CEMIP2: variants seen among roughly 807,000 people sequenced by gnomAD.
CEMIP2 encodes cell migration inducing hyaluronidase 2.
Under a neutral mutation model 146.9 loss-of-function variants are expected in CEMIP2, and 79 were observed. That is an observed-to-expected ratio of 0.54 (90% CI 0.45 to 0.65). CEMIP2 has a LOEUF of 0.65. Ranked by LOEUF, CEMIP2 falls within the 30% of genes least tolerant of loss-of-function variation. The pLI is 0.00. For missense variants in CEMIP2, 1,596 were observed against 1,696.2 expected (o/e 0.94, Z 1.04); for synonymous variants, 601 against 606.3 (o/e 0.99, Z 0.13).
rs1822000954 is a variant in CEMIP2, at chr9:71,684,673, C to A, written c.*524G>T. 6.5e-6 allele frequency: 1 copy of A among 152,998 alleles called. No homozygotes were observed. The highest frequency in any genetic ancestry group is 2.4e-5 in the African/African-American group (1 of 41,568). 9.5% of individuals were successfully genotyped at this position (152,998 alleles called of 1,614,324 possible). On this transcript the variant is annotated 3_prime_UTR_variant, in exon 24 of 24. Coordinates refer to ENST00000377044, the MANE Select transcript of CEMIP2 (RefSeq NM_013390.3). ...CAGGCAAAAAAGGGCATGAGCTGGG[C>A]CTGAGTTGCCACTTAAAACTGTCAT...
intron 12 of CEMIP2, among the ~76,000 whole-genome samples, chr9:71,719,474 G>A (rs1209707468): frequency 2.6e-5 from 4 of 152,182 alleles, no homozygotes; most frequent in Admixed American, 2.6e-4. Context: ...TGGAATCAAG[G>A]AAGGGATGTG....
chr9:71,709,507 G>C (rs761722886), intron 16 of CEMIP2, 33 bp from the exon 17 acceptor site: 29 of 1,583,154 alleles, frequency 1.8e-5, no homozygotes, highest in Non-Finnish European at 2.3e-5. Flanking sequence ...ACATCACAAA[G>C]TGAGGGCTCC....
At chr9:71,732,681 G>A (rs1256586367) in intron 6 of CEMIP2, among the ~76,000 whole-genome samples, 161 bp from the exon 7 acceptor site, 6 of 137,462 alleles carry the variant, frequency 4.4e-5, no homozygotes, top group East Asian at 2.2e-4. Context: ...CCCAGGACAC[G>A]GGGAATTTTT....
intron 5 of CEMIP2, among the ~76,000 whole-genome samples, chr9:71,739,065 A>C (rs1173615209): frequency 9.8e-5 from 15 of 152,334 alleles, no homozygotes; most frequent in African/African-American, 3.6e-4. Context: ...TTCCTGAAGA[A>C]AATTTTCTAC....
rs754061903 is a variant in CEMIP2 at position 71,732,376 on chromosome 9, T to C, written c.1538A>G (p.Tyr513Cys). 23 of 1,612,626 alleles carry C rather than the reference T, an allele frequency of 1.4e-5. No individual in the cohort carries two copies. In the Middle Eastern group the frequency reaches 4.9e-4, roughly 35 times the overall value. The change falls in exon 7 of 24, where the codon TAT becomes TGT. Residue 513 changes from tyrosine (Y) to cysteine (C), a missense_variant. Coordinates refer to ENST00000377044, the MANE Select transcript of CEMIP2 (RefSeq NM_013390.3). ...CATAATGTGTCCCCCAAAGGTATCA[T>C]AATCAAAAAATTGGCACTGATTTTC... ...YAENQCQFFDYDTFGGHIMIM... is the reference protein window; with the variant it reads ...YAENQCQFFDCDTFGGHIMIM...
intron 11 of CEMIP2, among the ~76,000 whole-genome samples, chr9:71,724,851 C>T (rs902248352): frequency 2.1e-4 from 32 of 152,208 alleles, no homozygotes; most frequent in African/African-American, 7.2e-4. Context: ...TGCTTATCAA[C>T]CCCTAGAAGG....
chr9:71,712,594 A>T (rs773485190), intron 15 of CEMIP2, among the ~76,000 whole-genome samples: 1 of 152,244 alleles, frequency 6.6e-6, no homozygotes, highest in Non-Finnish European at 1.5e-5. Flanking sequence ...AACTCAGTTA[A>T]GATCTTTTAT....
chr9:71,745,626 G>A, intron 3 of CEMIP2, 47 bp from the exon 4 acceptor site: 2 of 1,494,638 alleles, frequency 1.3e-6, no homozygotes, highest in Non-Finnish European at 1.8e-6. Context: ...TCATCTTTCT[G>A]AGATACAAGG....
chr9:71,716,769 A>C (rs1292160090), intron 13 of CEMIP2, among the ~76,000 whole-genome samples: 1 of 152,180 alleles, frequency 6.6e-6, no homozygotes. Context: ...TAGCTGTGTG[A>C]CTTTTGGCAA....
At chr9:71,740,443 C>A (rs755248030) in intron 4 of CEMIP2, among the ~76,000 whole-genome samples, 1 of 152,172 alleles carries the variant, frequency 6.6e-6, no homozygotes, top group Non-Finnish European at 1.5e-5. Context: ...ACTTGTTTGT[C>A]CAGCTCTGTA....
intron 22 of CEMIP2, chr9:71,687,463 T>TCC (rs931246582): frequency 3.5e-4 from 6 of 17,130 alleles, no homozygotes; most frequent in African/African-American, 1.6e-3. Context: ...ATTTATTTTC[T>TCC]GTGTGTGTGT....
intron 11 of CEMIP2, among the ~76,000 whole-genome samples, chr9:71,722,908 T>C (rs1823278614): frequency 6.6e-6 from 1 of 152,036 alleles, no homozygotes; most frequent in Admixed American, 6.6e-5. Context: ...GAAGGGCATC[T>C]GGAGAGGCCT....
chr9:71,732,413 A>T lies in CEMIP2; in HGVS notation c.1501T>A (p.Ser501Thr). 7 of 1,613,922 alleles carry T rather than the reference A, an allele frequency of 4.3e-6. No homozygotes were observed. The highest frequency in any genetic ancestry group is 5.9e-6 in the Non-Finnish European group (7 of 1,179,958). ...NIVIQGEVED[S>T]CYAENQCQFF... ...TGGCACTGATTTTCTGCGTAGCATG[A>T]GTCCTCCACTTCTCCTTGGATCACA... The change falls in exon 7 of 24, where the codon TCA (serine) becomes ACA (threonine). Residue 501 changes from serine (S) to threonine (T), a missense_variant. Transcript: ENST00000377044.
chr9:71,702,669 T>C (rs936361088), intron 18 of CEMIP2, among the ~76,000 whole-genome samples: 1 of 152,206 alleles, frequency 6.6e-6, no homozygotes, highest in African/African-American at 2.4e-5. Context: ...TATGACAAAA[T>C]CTATGACTTC....
Position 71,685,395 on chromosome 9 carries a change from TAAAAAAAAAAAAA to T in CEMIP2, c.3956-15_3956-3del. The T allele has an allele frequency of 8.5e-7, 1 of 1,177,088 alleles. No individual in the cohort carries two copies. The highest frequency in any genetic ancestry group is 1.1e-6 in the Non-Finnish European group (1 of 944,260). The allele number at this position is 1,177,088 out of a possible 1,614,324, so 72.9% of individuals were successfully genotyped here. A position where few individuals can be genotyped will look rare whatever the true frequency, so the allele number is the denominator to read the frequency against. ...TGAATCCCAAAAATATGGTACTCCCTAAAAAAAAAAAAAAAAAAGAAAAAGAAAAAAAATCAAT... is the reference window on the plus strand; with the variant it reads ...TGAATCCCAAAAATATGGTACTCCCTAAAAAGAAAAAGAAAAAAAATCAAT... On this transcript the variant is annotated splice_region_variant and splice_polypyrimidine_tract_variant and intron_variant, in intron 23 of 23. Transcript: ENST00000377044.
At chr9:71,718,173 T>C in intron 12 of CEMIP2, 94 bp from the exon 13 acceptor site, 1 of 1,186,580 alleles carries the variant, frequency 8.4e-7, no homozygotes, top group Non-Finnish European at 1.1e-6. Context: ...AGAATTTAAA[T>C]TTGACCAAAA....
chr9:71,697,846 G>A, intron 20 of CEMIP2, 139 bp downstream of exon 20: 1 of 840,770 alleles, frequency 1.2e-6, no homozygotes, highest in South Asian at 1.8e-5. Context: ...TCACATTTTA[G>A]CATGGGCCAA....
chr9:71,704,513 G>A (rs1029246812), intron 18 of CEMIP2, 82 bp downstream of exon 18: 3 of 1,507,388 alleles, frequency 2.0e-6, no homozygotes, highest in African/African-American at 2.8e-5. Flanking sequence ...TTTGCTTGCT[G>A]CAAAGGAGAC....
intron 15 of CEMIP2, 82 bp from the exon 16 acceptor site, chr9:71,712,342 T>C: frequency 7.1e-7 from 1 of 1,410,196 alleles, no homozygotes. Flanking sequence ...TGAAGACAGC[T>C]AAATATCCGG....
Sources: allele counts gnomAD v4.1 joint callset (sites outside exome capture counted in the v4.1 genomes callset), GRCh38; gene constraint gnomAD v4.1.1; transcripts MANE v1.5; gene names NCBI Gene and HGNC (gene_info 2026-07-23, HGNC 2026-07-21).